Variants in TIAM1 observed in about 807,000 individuals in gnomAD.
TIAM1 encodes rho guanine nucleotide exchange factor TIAM1.
Under a neutral mutation model 163.5 loss-of-function variants are expected in TIAM1, and 65 were observed. The observed-to-expected ratio is 0.40, with a 90% CI of 0.33 to 0.49. The LOEUF is 0.49. Ranked by LOEUF, TIAM1 falls within the 20% of genes least tolerant of loss-of-function variation. The pLI is 0.77. For missense variants in TIAM1, 1,789 were observed against 2,044.7 expected (o/e 0.87, Z 2.41); for synonymous variants, 833 against 810.1 (o/e 1.03, Z -0.48).
intron 12 of TIAM1, among the ~76,000 whole-genome samples, chr21:31,195,796 C>T (rs146738412): frequency 1.2e-4 from 19 of 152,136 alleles, no homozygotes; most frequent in Non-Finnish European, 1.0e-4. Context: ...TTTTTAGCCA[C>T]TGAACTGTAT....
intron 2 of TIAM1, among the ~76,000 whole-genome samples, chr21:31,366,183 C>T (rs2076502641): frequency 6.6e-6 from 1 of 151,892 alleles, no homozygotes; most frequent in Non-Finnish European, 1.5e-5. Flanking sequence ...ATACTATGCC[C>T]TTGGCCCTTG....
At chr21:31,333,651 G>C (rs1286987006) in intron 2 of TIAM1, among the ~76,000 whole-genome samples, 3 of 152,108 alleles carry the variant, frequency 2.0e-5, no homozygotes, top group Admixed American at 2.0e-4. Flanking sequence ...TATTGCCCAG[G>C]CTGGTCTCGA....
At chr21:31,165,258 AC>A (rs761724223) in intron 15 of TIAM1, among the ~76,000 whole-genome samples, 193 bp from the exon 16 acceptor site, 1 of 152,258 alleles carries the variant, frequency 6.6e-6, no homozygotes, top group Non-Finnish European at 1.5e-5. Flanking sequence ...TAGTATTATT[AC>A]TTTATATTTT....
At chr21:31,250,817 C>A (rs2071761462) in intron 5 of TIAM1, among the ~76,000 whole-genome samples, 1 of 152,116 alleles carries the variant, frequency 6.6e-6, no homozygotes, top group Admixed American at 6.5e-5. Context: ...GTACGTGCAA[C>A]AATACGTACA....
chr21:31,509,095 T>C (rs1482058115), intron 1 of TIAM1, among the ~76,000 whole-genome samples: 4 of 152,158 alleles, frequency 2.6e-5, no homozygotes, highest in Non-Finnish European at 5.9e-5. Flanking sequence ...ATGAGATCTA[T>C]GTTTGAATAC....
chr21:31,195,960 A>G (rs2085830066), intron 12 of TIAM1, among the ~76,000 whole-genome samples: 1 of 152,234 alleles, frequency 6.6e-6, no homozygotes, highest in East Asian at 1.9e-4. Context: ...TCTGCACAGA[A>G]AAAGAAACTG....
chr21:31,267,857 A>C (rs1362713820), intron 3 of TIAM1, among the ~76,000 whole-genome samples: 2 of 152,220 alleles, frequency 1.3e-5, no homozygotes, highest in Non-Finnish European at 2.9e-5. Flanking sequence ...ACAGAAATTC[A>C]CATTGTGAAA....
intron 6 of TIAM1, among the ~76,000 whole-genome samples, chr21:31,232,369 T>G (rs1369318187): frequency 6.6e-6 from 1 of 152,054 alleles, no homozygotes; most frequent in African/African-American, 2.4e-5. Flanking sequence ...AAAGCAACAG[T>G]CCCTACCATT....
intron 2 of TIAM1, among the ~76,000 whole-genome samples, chr21:31,337,660 T>C (rs1481721377): frequency 1.3e-5 from 2 of 151,828 alleles, no homozygotes; most frequent in Non-Finnish European, 2.9e-5. Flanking sequence ...GCCTCCCGCG[T>C]AGCTGAGATT....
intron 2 of TIAM1, among the ~76,000 whole-genome samples, chr21:31,359,609 G>A (rs1224745591): frequency 6.6e-6 from 1 of 151,992 alleles, no homozygotes; most frequent in Non-Finnish European, 1.5e-5. Flanking sequence ...CCAACATAGT[G>A]AAATCCTGTC....
intron 1 of TIAM1, among the ~76,000 whole-genome samples, chr21:31,342,848 C>T (rs1297531269): frequency 1.3e-5 from 2 of 152,174 alleles, no homozygotes; most frequent in East Asian, 3.8e-4. Context: ...TCTTTAACTT[C>T]AAGGAAGTGG....
chr21:31,435,204 A>G (rs998969990), intron 2 of TIAM1, among the ~76,000 whole-genome samples: 2 of 152,192 alleles, frequency 1.3e-5, no homozygotes, highest in Admixed American at 1.3e-4. Context: ...CTCAGCCTTC[A>G]TGTCTTTAAA....
intron 2 of TIAM1, among the ~76,000 whole-genome samples, chr21:31,408,697 T>C (rs2077290773): frequency 6.6e-6 from 1 of 152,184 alleles, no homozygotes; most frequent in South Asian, 2.1e-4. Flanking sequence ...TCACTTTTAT[T>C]TTTCATCTTC....
intron 1 of TIAM1, among the ~76,000 whole-genome samples, chr21:31,549,998 T>A (rs947615640): frequency 2.0e-5 from 3 of 151,988 alleles, no homozygotes; most frequent in Non-Finnish European, 2.9e-5. Context: ...GTGGCATGCA[T>A]CTGTGGTCTC....
chr21:31,187,163 G>A, intron 13 of TIAM1, 76 bp from the exon 14 acceptor site: 2 of 1,295,688 alleles, frequency 1.5e-6, no homozygotes, highest in South Asian at 1.2e-5. Context: ...AGTGCCTGCT[G>A]TGAACTAGGT....
At chr21:31,503,471 G>GAGGGAGGA (rs2046917740) in intron 1 of TIAM1, among the ~76,000 whole-genome samples, 1 of 61,940 alleles carries the variant, frequency 1.6e-5, no homozygotes, top group African/African-American at 7.7e-5. Flanking sequence ...GGGAGGAAGG[G>GAGGGAGGA]AGGGAGGGAG....
chr21:31,412,367 C>T (rs1343595403), intron 2 of TIAM1, among the ~76,000 whole-genome samples: 1 of 152,002 alleles, frequency 6.6e-6, no homozygotes. Flanking sequence ...AACAGCAGTC[C>T]CCAGCCTTTT....
At chr21:31,151,183 C>G (rs2083353487) in intron 19 of TIAM1, among the ~76,000 whole-genome samples, 1 of 152,188 alleles carries the variant, frequency 6.6e-6, no homozygotes, top group Admixed American at 6.5e-5. Flanking sequence ...GTTAAACATA[C>G]CCTTACCATA....
At chr21:31,392,343 G>A (rs2076979020) in intron 2 of TIAM1, among the ~76,000 whole-genome samples, 2 of 152,078 alleles carry the variant, frequency 1.3e-5, no homozygotes, top group Non-Finnish European at 2.9e-5. Context: ...GGCAGAGGCG[G>A]GTAGATCACC....
Sources: gnomAD v4.1 joint callset for allele counts (sites outside exome capture counted in the v4.1 genomes callset) on GRCh38, gnomAD v4.1.1 for gene constraint, MANE v1.5 for transcripts, NCBI Gene and HGNC (gene_info 2026-07-23, HGNC 2026-07-21) for gene names.